The following NAP1L1 variants were observed in gnomAD, a reference collection of about 807,000 sequenced individuals.
NAP1L1 encodes nucleosome assembly protein 1-like 1.
Under a neutral mutation model 58.9 loss-of-function variants are expected in NAP1L1, and 9 were observed. The ratio of observed to expected loss-of-function variants is 0.15; its 90% CI spans 0.09 to 0.27. NAP1L1 has a LOEUF of 0.27. Ranked by LOEUF, NAP1L1 falls within the 10% of genes least tolerant of loss-of-function variation. The pLI is 1.00. For synonymous variants in NAP1L1, 130 were observed against 138.3 expected (o/e 0.94, Z 0.42); for missense variants, 302 against 458.8 (o/e 0.66, Z 3.12).
Position 76,036,926 on chromosome 12 carries a change from A to AT in NAP1L1, c.*11502_*11503insA, listed in dbSNP as rs1381717473. Reference sequence around the variant, plus strand: ...CGTCTCTACTAAAAATACAAAAAAAAAAAAAACCCACAGCGCCTGTAATCC... The same window carrying AT: ...CGTCTCTACTAAAAATACAAAAAAAATAAAAAACCCACAGCGCCTGTAATCC... On this transcript the variant is annotated 3_prime_UTR_variant, in exon 15 of 15. Coordinates refer to ENST00000618691, the MANE Select transcript of NAP1L1 (RefSeq NM_004537.7). The AT allele has an allele frequency of 2.6e-5, 4 of 151,450 alleles. No individual in the cohort carries two copies. The highest frequency in any genetic ancestry group is 6.6e-5 in the Admixed American group (1 of 15,206). The allele number at this position is 151,450 out of a possible 1,614,324, so 9.4% of individuals were successfully genotyped here. A position where few individuals can be genotyped will look rare whatever the true frequency, so the allele number is the denominator to read the frequency against.
At chr12:76,049,655 C>G in intron 13 of NAP1L1, 101 bp downstream of exon 13, 1 of 1,551,008 alleles carries the variant, frequency 6.4e-7, no homozygotes, top group Non-Finnish European at 8.8e-7. Context: ...GTTTTTATCC[C>G]AAATCACAGA....
At chr12:76,071,346 G>A (rs950707252) in intron 2 of NAP1L1, among the ~76,000 whole-genome samples, 2 of 152,164 alleles carry the variant, frequency 1.3e-5, no homozygotes, top group African/African-American at 4.8e-5. Flanking sequence ...AAATCAAGCT[G>A]TCACAACCAA....
At chr12:76,054,554 T>C (rs1244954376) in intron 8 of NAP1L1, among the ~76,000 whole-genome samples, 1 of 152,184 alleles carries the variant, frequency 6.6e-6, no homozygotes, top group African/African-American at 2.4e-5. Flanking sequence ...GAATCAGGCT[T>C]TTAAATAGTA....
intron 8 of NAP1L1, 53 bp from the exon 9 acceptor site, chr12:76,053,962 T>G: frequency 1.3e-6 from 2 of 1,535,778 alleles, no homozygotes; most frequent in Non-Finnish European, 1.8e-6. Context: ...CATATTTCAG[T>G]ACTTTAGTAA....
At chr12:76,055,217 C>T (rs182583084) in intron 7 of NAP1L1, 127 bp from the exon 8 acceptor site, 10 of 560,174 alleles carry the variant, frequency 1.8e-5, no homozygotes, top group African/African-American at 1.7e-4. Flanking sequence ...AATTATGAAC[C>T]TTAAGACTTA....
At chr12:76,072,454 T>C (rs749685612) in intron 2 of NAP1L1, among the ~76,000 whole-genome samples, 2 of 152,050 alleles carry the variant, frequency 1.3e-5, no homozygotes, top group Non-Finnish European at 2.9e-5. Context: ...CAAAAGGTCA[T>C]GAGAGCAATC....
At position 76,038,830 on chromosome 12, in the gene NAP1L1, T is replaced by G. The variant is rs1565704839; in HGVS notation, c.*9599A>C. On this transcript the variant is annotated 3_prime_UTR_variant, in exon 15 of 15. Transcript: ENST00000618691. ...ACTACCTAAGTAAATCATTGTTGAG[T>G]AACAATGAGCACCCCTTAAACATGT... is the stretch of plus-strand genomic sequence containing the variant. 6.6e-6 allele frequency: 1 copy of G among 152,148 alleles called. No individual in the cohort carries two copies. Among genetic ancestry groups the G allele is most frequent in the Non-Finnish European group, 1.5e-5 (1 of 68,022 alleles). 9.4% of individuals were successfully genotyped at this position (152,148 alleles called of 1,614,324 possible).
chr12:76,061,048 C>A (rs937981531), intron 4 of NAP1L1: 1 of 444,994 alleles, frequency 2.2e-6, no homozygotes, highest in Middle Eastern at 4.9e-4. Context: ...AGCAAGATTG[C>A]ACCACCACTG....
At position 76,043,488 on chromosome 12, in the gene NAP1L1, A is replaced by AAG. The variant is rs919776964; in HGVS notation, c.*4940_*4941insCT. The AAG allele has an allele frequency of 1.3e-5, 2 of 151,724 alleles. No homozygotes were observed. The highest frequency in any genetic ancestry group is 1.3e-4 in the Admixed American group (2 of 15,204). 9.4% of individuals were successfully genotyped at this position (151,724 alleles called of 1,614,324 possible). On this transcript the variant is annotated 3_prime_UTR_variant, in exon 15 of 15. Transcript: ENST00000618691. The stretch of plus-strand genomic sequence containing the variant: ...AAGACCCTGTCTCAGAAAAAAAAAA[A>AAG]AAAAAAAAAATTTCTACATGGAATG...
intron 13 of NAP1L1, 191 bp from the exon 14 acceptor site, chr12:76,049,441 A>G (rs1948720323): frequency 1.3e-6 from 2 of 1,535,648 alleles, no homozygotes; most frequent in African/African-American, 1.4e-5. Flanking sequence ...TGAGACATCC[A>G]GACAGCTTTT....
In NAP1L1 at chr12:76,057,986, A is replaced by G. The variant is rs149044582; in HGVS notation, c.429+1812T>C. The G allele has an allele frequency of 1.7e-5, 15 of 891,178 alleles. No homozygotes were observed. In the East Asian group the frequency reaches 3.6e-4, roughly 21 times the overall value. 55.2% of individuals were successfully genotyped at this position (891,178 alleles called of 1,614,324 possible). On this transcript the variant is annotated intron_variant, in intron 6 of 14. Transcript: ENST00000618691. ...TCACACAAAGATTTTTTGCTCAAAA[A>G]TTCTCCTGTGGTGCCTCAGTAACAG...
rs1043387160 is a variant in NAP1L1, at chr12:76,042,611, C to G, written c.*5818G>C. ...ACTTATTTGAAAATAATTACAAATA[C>G]GGACGGCAGTAGCAGTAGGAAAAAT... On this transcript the variant is annotated 3_prime_UTR_variant, in exon 15 of 15. Transcript: ENST00000618691. 88 of 152,302 alleles carry G rather than the reference C, an allele frequency of 5.8e-4. 1 individual carries two copies. The highest frequency in any genetic ancestry group is 1.9e-3 in the African/African-American group (81 of 41,558). 9.4% of individuals were successfully genotyped at this position (152,302 alleles called of 1,614,324 possible).
chr12:76,057,517 G>C (rs1448081191), intron 6 of NAP1L1: 4 of 714,540 alleles, frequency 5.6e-6, no homozygotes, highest in Non-Finnish European at 1.0e-5. Flanking sequence ...CGGGGCCTGT[G>C]CAACTGCCTG....
chr12:76,051,471 G>GT (rs1297125635), intron 11 of NAP1L1, among the ~76,000 whole-genome samples: 1 of 152,202 alleles, frequency 6.6e-6, no homozygotes, highest in Non-Finnish European at 1.5e-5. Flanking sequence ...CAGCTGTACA[G>GT]TTTTAAGTCT....
At chr12:76,073,058 G>T (rs1440554694) in intron 2 of NAP1L1, among the ~76,000 whole-genome samples, 1 of 151,940 alleles carries the variant, frequency 6.6e-6, no homozygotes, top group Non-Finnish European at 1.5e-5. Flanking sequence ...GTGTGACACA[G>T]GAGACAATCA....
chr12:76,074,313 T>C, intron 1 of NAP1L1, 74 bp from the exon 2 acceptor site: 1 of 1,461,170 alleles, frequency 6.8e-7, no homozygotes, highest in Non-Finnish European at 9.0e-7. Flanking sequence ...CAAAACCCTT[T>C]AAATCAATAC....
At chr12:76,050,943 C>G (rs1284704157) in intron 11 of NAP1L1, among the ~76,000 whole-genome samples, 1 of 147,630 alleles carries the variant, frequency 6.8e-6, no homozygotes, top group African/African-American at 2.5e-5. Context: ...TGCTGGAGCC[C>G]AGCAGCTTGA....
intron 4 of NAP1L1, among the ~76,000 whole-genome samples, chr12:76,064,664 C>A (rs1046208517): frequency 1.8e-4 from 27 of 151,878 alleles, no homozygotes; most frequent in Non-Finnish European, 3.8e-4. Context: ...ATGCAAAATA[C>A]AGAATATGAA....
At chr12:76,082,238 A>C (rs1372642746) in intron 1 of NAP1L1, among the ~76,000 whole-genome samples, 1 of 152,232 alleles carries the variant, frequency 6.6e-6, no homozygotes, top group Non-Finnish European at 1.5e-5. Context: ...TTCTACAAAA[A>C]GACCCTTAGT....
Sources: allele counts gnomAD v4.1 joint callset (sites outside exome capture counted in the v4.1 genomes callset), GRCh38; gene constraint gnomAD v4.1.1; transcripts MANE v1.5; gene names NCBI Gene and HGNC (gene_info 2026-07-23, HGNC 2026-07-21).